MAPRE2: variants seen among roughly 807,000 people sequenced by gnomAD.
MAPRE2 encodes microtubule-associated protein RP/EB family member 2.
Under a neutral mutation model 43.2 loss-of-function variants are expected in MAPRE2, and 13 were observed. The ratio of observed to expected loss-of-function variants is 0.30; its 90% CI spans 0.20 to 0.48. The LOEUF (loss-of-function observed/expected upper bound fraction) is 0.48, where lower values mean the gene tolerates loss of function less well. Ranked by LOEUF, MAPRE2 falls within the 20% of genes least tolerant of loss-of-function variation. The pLI is 0.99. For synonymous variants in MAPRE2, 135 were observed against 148.8 expected, an observed-to-expected ratio of 0.91 and a Z score of 0.68; for missense variants, 161 against 400.2, an observed-to-expected ratio of 0.40 and a Z score of 5.10.
rs370232796 is a variant in MAPRE2, at chr18:34,981,891, T to TA, written c.-70+4812_-70+4813insA. On this transcript the variant is annotated intron_variant, in intron 1 of 7. Coordinates refer to the MAPRE2 transcript ENST00000413393. ...TTTTTTTTTTTATTTTTATTTATTT[T>TA]TTTTTTTTTTTGAGACGGAGTCTCA... is the stretch of plus-strand genomic sequence containing the variant. Among the ~76,000 whole-genome samples, 259 of 29,174 alleles carry TA rather than the reference T, an allele frequency of 8.9e-3. 2 individuals are homozygous for TA. The highest frequency in any genetic ancestry group is 0.02 in the Middle Eastern group (1 of 50). The allele number at this position is 29,174 out of a possible 152,430, so 19.1% of individuals were successfully genotyped here. A position where few individuals can be genotyped will look rare whatever the true frequency, so the allele number is the denominator to read the frequency against.
chr18:35,061,038 A>G (rs1906499179), intron 1 of MAPRE2, among the ~76,000 whole-genome samples: 1 of 152,220 alleles, frequency 6.6e-6, no homozygotes, highest in African/African-American at 2.4e-5. Flanking sequence ...GAAAAAGAGT[A>G]TTATTTTTAT....
At chr18:35,010,444 T>C (rs542058130) in intron 2 of MAPRE2, among the ~76,000 whole-genome samples, 2 of 152,198 alleles carry the variant, frequency 1.3e-5, no homozygotes, top group Non-Finnish European at 2.9e-5. Flanking sequence ...AGAGATGTAA[T>C]ACATCTTGTT....
chr18:35,055,941 C>A (rs1429547950), intron 1 of MAPRE2, among the ~76,000 whole-genome samples: 2 of 140,952 alleles, frequency 1.4e-5, no homozygotes, highest in African/African-American at 5.3e-5. Flanking sequence ...GGTGACACAG[C>A]AAGACTCTTG....
At chr18:35,028,648 T>G (rs1280330079) in intron 2 of MAPRE2, among the ~76,000 whole-genome samples, 1 of 152,202 alleles carries the variant, frequency 6.6e-6, no homozygotes, top group Admixed American at 6.5e-5. Flanking sequence ...TAATTATATT[T>G]GGCAAGCTCT....
chr18:35,061,023 A>G (rs1906498379), intron 1 of MAPRE2, among the ~76,000 whole-genome samples: 1 of 152,172 alleles, frequency 6.6e-6, no homozygotes, highest in Admixed American at 6.5e-5. Flanking sequence ...AGGGATGGGC[A>G]CCCTGAAAAA....
chr18:35,032,937 G>C (rs4145316), intron 2 of MAPRE2, among the ~76,000 whole-genome samples: 79,516 of 151,886 alleles, frequency 0.52, 20,890 homozygotes, highest in East Asian at 0.57. Flanking sequence ...AGTACAGATA[G>C]TTGCTGATTC....
intron 1 of MAPRE2, among the ~76,000 whole-genome samples, chr18:35,061,571 G>A (rs182170902): frequency 2.6e-5 from 4 of 152,266 alleles, no homozygotes; most frequent in Admixed American, 1.3e-4. Context: ...AATAAAATAC[G>A]TGCAGGTCTG....
intron 2 of MAPRE2, among the ~76,000 whole-genome samples, chr18:35,033,064 G>C (rs1436245641): frequency 6.6e-6 from 1 of 152,026 alleles, no homozygotes; most frequent in African/African-American, 2.4e-5. Flanking sequence ...CACCAAAAAA[G>C]AGAATTTTAG....
intron 1 of MAPRE2, chr18:35,005,403 C>T (rs80105629): frequency 0.22 from 152,029 of 704,676 alleles, 18,415 homozygotes; most frequent in Non-Finnish European, 0.25. Flanking sequence ...CTGGCCACAC[C>T]CACTAAACTA....
chr18:35,118,833 G>A (rs1035972970), intron 4 of MAPRE2, among the ~76,000 whole-genome samples: 3 of 152,264 alleles, frequency 2.0e-5, no homozygotes, highest in African/African-American at 7.2e-5. Flanking sequence ...CTGCTGAGTG[G>A]AGAAGGCAGG....
intron 2 of MAPRE2, among the ~76,000 whole-genome samples, chr18:35,019,424 G>C (rs1029234299): frequency 2.0e-5 from 3 of 152,036 alleles, no homozygotes; most frequent in Non-Finnish European, 2.9e-5. Flanking sequence ...TGTCTATTAG[G>C]TCCAAGTGTT....
At chr18:35,068,506 A>G (rs1271783) in intron 1 of MAPRE2, among the ~76,000 whole-genome samples, 45,293 of 152,116 alleles carry the variant, frequency 0.3, 8,561 homozygotes, top group East Asian at 0.53. Flanking sequence ...GTTTAAGTCC[A>G]TGGATTCATA....
At chr18:35,080,987 C>G (rs1357750725) in intron 2 of MAPRE2, among the ~76,000 whole-genome samples, 1 of 152,140 alleles carries the variant, frequency 6.6e-6, no homozygotes, top group Non-Finnish European at 1.5e-5. Context: ...TAATGCGAGT[C>G]CTGTTTCCTG....
intron 4 of MAPRE2, among the ~76,000 whole-genome samples, chr18:35,117,531 G>A (rs983583341): frequency 2.6e-5 from 4 of 152,192 alleles, no homozygotes. Context: ...CTGCGTACCA[G>A]GAGTGCAGTA....
At chr18:35,125,391 C>T (rs1442366733) in intron 4 of MAPRE2, among the ~76,000 whole-genome samples, 1 of 152,246 alleles carries the variant, frequency 6.6e-6, no homozygotes, top group African/African-American at 2.4e-5. Context: ...GAAACCGCAT[C>T]ACTAAAAGTT....
rs575347953 is a variant in MAPRE2, at chr18:35,064,000, TAAAAAAAAAAAAAA to T, written c.123-6175_123-6162del. Among the ~76,000 whole-genome samples, 124 of 33,972 alleles carry T rather than the reference TAAAAAAAAAAAAAA, an allele frequency of 3.7e-3. 1 individual carries two copies. The highest frequency in any genetic ancestry group is 0.013 in the African/African-American group (113 of 8,392). 22.3% of individuals were successfully genotyped at this position (33,972 alleles called of 152,430 possible). ...ACTGCCGAGTGAGACCCTGTCTCTTTAAAAAAAAAAAAAAAAAAAAAAAAAAAAAAAAATCTGGC... is the reference window on the plus strand; with the variant it reads ...ACTGCCGAGTGAGACCCTGTCTCTTTAAAAAAAAAAAAAAAAAAATCTGGC... On this transcript the variant is annotated intron_variant, in intron 1 of 6. Coordinates refer to ENST00000300249, the MANE Select transcript of MAPRE2 (RefSeq NM_014268.4).
intron 3 of MAPRE2, among the ~76,000 whole-genome samples, chr18:35,097,842 T>C (rs1569002552): frequency 1.3e-5 from 2 of 152,234 alleles, no homozygotes; most frequent in African/African-American, 4.8e-5. Context: ...TGTTATTAGT[T>C]AAATTTAGCA....
upstream of MAPRE2, among the ~76,000 whole-genome samples, chr18:35,038,030 C>G (rs2097051592): frequency 6.6e-6 from 1 of 152,214 alleles, no homozygotes; most frequent in South Asian, 2.1e-4. Flanking sequence ...ATGCTGACCC[C>G]TACAGCTGTA....
At chr18:35,080,710 A>G (rs892053974) in intron 2 of MAPRE2, among the ~76,000 whole-genome samples, 15 of 152,244 alleles carry the variant, frequency 9.9e-5, no homozygotes, top group African/African-American at 3.6e-4. Context: ...AAGGAGTGTC[A>G]GAAATCACTG....
Sources: allele counts gnomAD v4.1 joint callset (sites outside exome capture counted in the v4.1 genomes callset), GRCh38; gene constraint gnomAD v4.1.1; transcripts MANE v1.5; gene names NCBI Gene and HGNC (gene_info 2026-07-23, HGNC 2026-07-21).